EPHA6: variants seen among roughly 807,000 people sequenced by gnomAD.
The protein encoded by EPHA6 is ephrin type-A receptor 6.
Under a neutral mutation model 112.0 loss-of-function variants are expected in EPHA6, and 50 were observed. That is an observed-to-expected ratio of 0.45 (90% CI 0.36 to 0.56). EPHA6 has a LOEUF of 0.56. EPHA6 is among the 20% of genes least tolerant of loss of function. The pLI is 0.00. For synonymous variants in EPHA6, 529 were observed against 490.7 expected, an observed-to-expected ratio of 1.08 and a Z score of -1.03; for missense variants, 1,280 against 1,417.4, an observed-to-expected ratio of 0.90 and a Z score of 1.56.
chr3:97,315,718 G>A (rs1263203060), intron 5 of EPHA6, among the ~76,000 whole-genome samples: 1 of 151,662 alleles, frequency 6.6e-6, no homozygotes, highest in African/African-American at 2.4e-5. Flanking sequence ...ACATAAAAAA[G>A]CTTCAGTATA....
chr3:97,016,382 A>G (rs1312517217), intron 3 of EPHA6, among the ~76,000 whole-genome samples: 2 of 152,078 alleles, frequency 1.3e-5, no homozygotes, highest in African/African-American at 4.8e-5. Context: ...ATTCCCTCCC[A>G]CTCTGTTAAA....
chr3:96,840,301 G>A (rs1259271776), intron 1 of EPHA6, among the ~76,000 whole-genome samples: 1 of 152,024 alleles, frequency 6.6e-6, no homozygotes, highest in Non-Finnish European at 1.5e-5. Context: ...ACCTCTTGGG[G>A]GTGGATTTGG....
intron 3 of EPHA6, among the ~76,000 whole-genome samples, chr3:97,025,821 G>C (rs2213258): frequency 0.31 from 47,023 of 151,770 alleles, 7,767 homozygotes; most frequent in African/African-American, 0.42. Flanking sequence ...TCTCCCTGAC[G>C]TCATGATCTG....
intron 3 of EPHA6, among the ~76,000 whole-genome samples, chr3:97,197,516 C>T (rs1410446210): frequency 1.3e-5 from 2 of 151,750 alleles, no homozygotes; most frequent in Non-Finnish European, 2.9e-5. Flanking sequence ...TGTCTAGTGC[C>T]CTATTTTACT....
intron 13 of EPHA6, among the ~76,000 whole-genome samples, chr3:97,618,101 T>C (rs1355867909): frequency 3.3e-5 from 5 of 152,034 alleles, no homozygotes; most frequent in African/African-American, 1.2e-4. Context: ...CACAATCAAA[T>C]TGGAACTCAA....
chr3:97,573,725 CA>C (rs2093356528), intron 11 of EPHA6, among the ~76,000 whole-genome samples: 1 of 151,876 alleles, frequency 6.6e-6, no homozygotes, highest in African/African-American at 2.4e-5. Flanking sequence ...AGCCTACAGT[CA>C]AAAATTTAGG....
chr3:96,819,187 G>A (rs1176245918), intron 1 of EPHA6, among the ~76,000 whole-genome samples: 1 of 151,878 alleles, frequency 6.6e-6, no homozygotes, highest in Non-Finnish European at 1.5e-5. Flanking sequence ...CATGACTATA[G>A]CACTTTTATA....
intron 11 of EPHA6, among the ~76,000 whole-genome samples, chr3:97,590,704 A>C (rs2093535489): frequency 6.6e-6 from 1 of 152,150 alleles, no homozygotes; most frequent in South Asian, 2.1e-4. Flanking sequence ...AATCAGCTAA[A>C]ATTGCATTAT....
At chr3:97,506,687 T>C (rs192554358) in intron 10 of EPHA6, among the ~76,000 whole-genome samples, 1 of 151,434 alleles carries the variant, frequency 6.6e-6, no homozygotes, top group Admixed American at 6.6e-5. Context: ...TTCCACGTAG[T>C]TGTTTCTAAT....
At position 96,927,264 on chromosome 3, in the gene EPHA6, G is replaced by A. The variant is rs112570435; in HGVS notation, c.451-60066G>A. 4.3e-3 allele frequency among the ~76,000 whole-genome samples: 658 copies of A among 152,288 alleles called. 8 individuals carry two copies. The highest frequency in any genetic ancestry group is 0.015 in the African/African-American group (616 of 41,566). ...GCTGCACAAAGCAGCTGAGCCCTGG[G>A]CCTGGCCCAGGAAACCATTTTTCCC... is the stretch of plus-strand genomic sequence containing the variant. On this transcript the variant is annotated intron_variant, in intron 2 of 17. Coordinates refer to ENST00000389672, the MANE Select transcript of EPHA6 (RefSeq NM_001080448.3).
chr3:97,072,066 T>G (rs914552448), intron 3 of EPHA6, among the ~76,000 whole-genome samples: 1 of 152,032 alleles, frequency 6.6e-6, no homozygotes, highest in African/African-American at 2.4e-5. Flanking sequence ...GGAAAAGAAG[T>G]CATTATACAA....
chr3:97,382,390 T>C (rs2085806010), intron 5 of EPHA6, among the ~76,000 whole-genome samples: 1 of 152,058 alleles, frequency 6.6e-6, no homozygotes, highest in Non-Finnish European at 1.5e-5. Context: ...AACATAGCAT[T>C]TTGTTCTTTG....
At chr3:97,060,926 A>C (rs77658868) in intron 3 of EPHA6, among the ~76,000 whole-genome samples, 1 of 138,034 alleles carries the variant, frequency 7.2e-6, no homozygotes, top group South Asian at 2.1e-4. Flanking sequence ...TCCGTCTCAA[A>C]AAAAAAAAAA....
At chr3:96,876,816 T>C (rs1282926186) in intron 2 of EPHA6, among the ~76,000 whole-genome samples, 2 of 152,154 alleles carry the variant, frequency 1.3e-5, no homozygotes, top group African/African-American at 4.8e-5. Flanking sequence ...CTTTTTCCTA[T>C]TGGTCTCTTA....
intron 3 of EPHA6, among the ~76,000 whole-genome samples, chr3:96,996,421 C>G (rs1253975643): frequency 6.6e-6 from 1 of 152,000 alleles, no homozygotes; most frequent in Non-Finnish European, 1.5e-5. Flanking sequence ...GTTTACTTTG[C>G]CGGATCCATT....
At chr3:97,650,811 T>TA (rs1284838551) in intron 14 of EPHA6, among the ~76,000 whole-genome samples, 1 of 141,966 alleles carries the variant, frequency 7.0e-6, no homozygotes, top group African/African-American at 2.6e-5. Context: ...GAGCTGAGAT[T>TA]GCGCCACTGC....
In EPHA6 at chr3:97,540,636, G is replaced by A. The variant is rs111371655; in HGVS notation, c.2386+8093G>A. Among the ~76,000 whole-genome samples, 887 of 152,090 alleles carry A rather than the reference G, an allele frequency of 5.8e-3. 6 individuals are homozygous for A. Among genetic ancestry groups the A allele is most frequent in the Non-Finnish European group, 9.7e-3 (662 of 67,988 alleles). Reference sequence around the variant, plus strand: ...CCCCTAAACTATGCTGCTAATTGTCGGGTAGACTACACTATGTAGTAACAG... The same window carrying A: ...CCCCTAAACTATGCTGCTAATTGTCAGGTAGACTACACTATGTAGTAACAG... On this transcript the variant is annotated intron_variant, in intron 11 of 17. Coordinates refer to ENST00000389672, the MANE Select transcript of EPHA6 (RefSeq NM_001080448.3).
intron 3 of EPHA6, 99 bp from the exon 4 acceptor site, chr3:97,226,165 G>C: frequency 1.1e-6 from 1 of 929,834 alleles, no homozygotes; most frequent in Non-Finnish European, 1.5e-6. Context: ...ACTGTACTCT[G>C]AGATCCAATG....
intron 1 of EPHA6, among the ~76,000 whole-genome samples, chr3:96,824,999 A>G (rs1479331440): frequency 1.3e-5 from 2 of 151,964 alleles, no homozygotes; most frequent in Admixed American, 6.6e-5. Flanking sequence ...TTTACATACA[A>G]ATAAGCCTGA....
Sources: allele counts gnomAD v4.1 joint callset (sites outside exome capture counted in the v4.1 genomes callset), GRCh38; gene constraint gnomAD v4.1.1; transcripts MANE v1.5; gene names NCBI Gene and HGNC (gene_info 2026-07-23, HGNC 2026-07-21).